SPOP: variants seen among roughly 807,000 people sequenced by gnomAD.
The protein encoded by SPOP is speckle-type POZ protein.
SPOP carries 11 observed loss-of-function variants against 45.6 expected under a neutral mutation model. That is an observed-to-expected ratio of 0.24 (90% CI 0.15 to 0.40). SPOP has a LOEUF of 0.40. Among genes scored for constraint, SPOP ranks in the 10% least tolerant of loss-of-function variants. The probability of loss-of-function intolerance (pLI) is 1.00; values close to 1 mark genes in which losing one functional copy is unlikely to be tolerated. For missense variants in SPOP, 152 were observed against 465.6 expected (o/e 0.33, Z 6.20); for synonymous variants, 166 against 166.3 (o/e 1.00, Z 0.01).
intron 1 of SPOP, among the ~76,000 whole-genome samples, chr17:49,648,385 C>T: frequency 6.6e-6 from 1 of 152,312 alleles, no homozygotes; most frequent in East Asian, 1.9e-4. Context: ...AACTTTACTC[C>T]AAAACACTGG....
intron 1 of SPOP, among the ~76,000 whole-genome samples, chr17:49,660,394 A>T (rs535132738): frequency 2.0e-5 from 3 of 152,284 alleles, no homozygotes; most frequent in African/African-American, 7.2e-5. Context: ...ATCTAAAATC[A>T]CAACACCTAC....
intron 1 of SPOP, among the ~76,000 whole-genome samples, chr17:49,673,807 T>G (rs2073167222): frequency 6.6e-6 from 1 of 152,168 alleles, no homozygotes; most frequent in Non-Finnish European, 1.5e-5. Context: ...TTTCTAATTG[T>G]TCTCTTATTA....
Position 49,611,466 on chromosome 17 carries a change from G to A in SPOP, c.481-9C>T. On this transcript the variant is annotated splice_polypyrimidine_tract_variant and intron_variant, in intron 5 of 9. Coordinates refer to ENST00000504102, the MANE Select transcript of SPOP (RefSeq NM_001007228.2). ...TCTTGCACAACACTCACCTGTGAAA[G>A]ACAAGGAAACACAAGCCAAGCTTTT... 1 of 1,612,270 alleles carries A rather than the reference G, an allele frequency of 6.2e-7. No homozygotes were observed. The highest frequency in any genetic ancestry group is 8.5e-7 in the Non-Finnish European group (1 of 1,179,540).
intron 5 of SPOP, among the ~76,000 whole-genome samples, chr17:49,615,831 C>T (rs2072074552): frequency 6.6e-6 from 1 of 152,156 alleles, no homozygotes; most frequent in Non-Finnish European, 1.5e-5. Flanking sequence ...ATGACCCTCG[C>T]ACTAGTTTGC....
intron 6 of SPOP, among the ~76,000 whole-genome samples, chr17:49,609,205 G>A (rs1319283085): frequency 1.8e-4 from 28 of 151,954 alleles, no homozygotes. Context: ...CACTGCACCC[G>A]GCCTAGCTCT....
chr17:49,635,491 C>T (rs1386039471), intron 1 of SPOP, among the ~76,000 whole-genome samples: 1 of 152,102 alleles, frequency 6.6e-6, no homozygotes, highest in Non-Finnish European at 1.5e-5. Flanking sequence ...AGATGTTACA[C>T]AAAATGGTGG....
chr17:49,643,145 G>C (rs961072913), intron 1 of SPOP, among the ~76,000 whole-genome samples: 1 of 152,224 alleles, frequency 6.6e-6, no homozygotes, highest in African/African-American at 2.4e-5. Context: ...ATATATTCAT[G>C]AGACAGGTGG....
intron 1 of SPOP, among the ~76,000 whole-genome samples, chr17:49,671,035 T>C (rs1171627855): frequency 6.6e-6 from 1 of 152,130 alleles, no homozygotes; most frequent in Non-Finnish European, 1.5e-5. Context: ...TTATTCTGTG[T>C]GCCTTTCATC....
chr17:49,642,775 A>G (rs2072682563), intron 1 of SPOP, among the ~76,000 whole-genome samples: 1 of 152,264 alleles, frequency 6.6e-6, no homozygotes, highest in South Asian at 2.1e-4. Context: ...TGTGACAAAG[A>G]GCAGGTAAAC....
intron 1 of SPOP, among the ~76,000 whole-genome samples, chr17:49,653,250 A>G (rs1567797142): frequency 6.6e-6 from 1 of 152,164 alleles, no homozygotes; most frequent in Non-Finnish European, 1.5e-5. Flanking sequence ...AGCAATATAT[A>G]TACATAACCT....
Position 49,661,736 on chromosome 17 carries a change from G to A in SPOP, c.-67+16197C>T, listed in dbSNP as rs191903189. Among the ~76,000 whole-genome samples, 11 of 152,260 alleles carry A rather than the reference G, an allele frequency of 7.2e-5. No homozygotes were observed. The East Asian group carries it at 1.5e-3, about 21-fold the overall frequency. ...TCTACCATAAAACATATTTAAGGCC[G>A]GGTGCGGTGGCTCATGCCTGTAATC... is the stretch of plus-strand genomic sequence containing the variant. On this transcript the variant is annotated intron_variant, in intron 1 of 9. Transcript: ENST00000504102.
At chr17:49,641,127 G>A (rs964187730) in intron 1 of SPOP, among the ~76,000 whole-genome samples, 8 of 151,888 alleles carry the variant, frequency 5.3e-5, no homozygotes, top group African/African-American at 1.9e-4. Flanking sequence ...GCTGGGCGTG[G>A]TGGCACACAC....
intron 1 of SPOP, among the ~76,000 whole-genome samples, chr17:49,662,903 A>G (rs376003456): frequency 1.2e-4 from 18 of 152,270 alleles, no homozygotes; most frequent in South Asian, 8.3e-4. Flanking sequence ...TCTTAAGGTT[A>G]TGGTTCTCAA....
At position 49,619,455 on chromosome 17, in the gene SPOP, A is replaced by G. The variant is rs1368768283; in HGVS notation, c.201-70T>C. On this transcript the variant is annotated intron_variant, in intron 3 of 9. Coordinates refer to ENST00000504102, the MANE Select transcript of SPOP (RefSeq NM_001007228.2). This position sits in a 1 kb window ranked among gnomAD's most constrained non-coding sequence, Gnocchi z 4.9. ...TTGATAGAACTGGAAATCAGACTCA[A>G]GAGAGGGAGATGTTTAAAAAACAAA... 6.6e-7 allele frequency: 1 copy of G among 1,508,186 alleles called. No individual in the cohort carries two copies. Among genetic ancestry groups the G allele is most frequent in the African/African-American group, 1.4e-5 (1 of 71,268 alleles). The allele number at this position is 1,508,186 out of a possible 1,614,324, so 93.4% of individuals were successfully genotyped here.
At chr17:49,624,329 G>GCACACACA (rs1159411901) in intron 1 of SPOP, among the ~76,000 whole-genome samples, 6 of 85,906 alleles carry the variant, frequency 7.0e-5, no homozygotes, top group Admixed American at 3.9e-4. Context: ...ACGCGCGCGC[G>GCACACACA]CGCACACACA....
intron 7 of SPOP, among the ~76,000 whole-genome samples, chr17:49,607,669 G>A (rs574274742): frequency 3.4e-4 from 52 of 152,196 alleles, no homozygotes; most frequent in African/African-American, 1.2e-3. Flanking sequence ...AAACTGTGTG[G>A]ATGATCAGCC....
intron 1 of SPOP, among the ~76,000 whole-genome samples, chr17:49,629,028 G>A (rs552389201): frequency 1.3e-5 from 2 of 152,248 alleles, no homozygotes; most frequent in South Asian, 2.1e-4. Flanking sequence ...CGGATCATGA[G>A]GTCAGGAATT....
At chr17:49,655,433 C>T (rs112146635) in intron 1 of SPOP, among the ~76,000 whole-genome samples, 4,249 of 152,040 alleles carry the variant, frequency 0.028, 197 homozygotes, top group African/African-American at 0.096. Context: ...ATGGCGTGAA[C>T]CCGGGAGGCG....
chr17:49,613,275 A>T (rs776355281), intron 5 of SPOP, among the ~76,000 whole-genome samples: 289 of 123,590 alleles, frequency 2.3e-3, no homozygotes, highest in East Asian at 8.9e-3. Context: ...ATACTAATTT[A>T]AAAAAAAAAA....
Sources: allele counts gnomAD v4.1 joint callset (sites outside exome capture counted in the v4.1 genomes callset), GRCh38; gene constraint gnomAD v4.1.1; non-coding constraint Gnocchi (gnomAD v3.1); transcripts MANE v1.5; gene names NCBI Gene and HGNC (gene_info 2026-07-23, HGNC 2026-07-21).